The following GBP6 variants were observed in gnomAD, a reference collection of about 807,000 sequenced individuals.
GBP6 encodes guanylate binding protein family member 6.
A neutral mutation model predicts 61.5 loss-of-function variants in GBP6; 54 were observed. The observed-to-expected ratio is 0.88, with a 90% confidence interval of 0.71 to 1.10. GBP6 has a LOEUF of 1.10. Ranked by LOEUF, GBP6 falls within the 50% of genes least tolerant of loss-of-function variation. The probability of loss-of-function intolerance (pLI) is 0.00; values close to 1 mark genes in which losing one functional copy is unlikely to be tolerated. For missense variants in GBP6, 748 were observed against 752.8 expected, an observed-to-expected ratio of 0.99 and a Z score of 0.07; for synonymous variants, 255 against 273.7, an observed-to-expected ratio of 0.93 and a Z score of 0.67.
At chr1:89,365,027 C>T (rs544607092) in intron 1 of GBP6, among the ~76,000 whole-genome samples, 37 of 147,534 alleles carry the variant, frequency 2.5e-4, no homozygotes, top group Non-Finnish European at 5.1e-4. Context: ...CGCCCGTGTC[C>T]ACATGTTCTC....
rs1420890942 is a variant in GBP6 at position 89,368,675 on chromosome 1, G to A, written c.124G>A (p.Ala42Thr). The A allele has an allele frequency of 1.9e-6, 3 of 1,614,154 alleles. No homozygotes were observed. The highest frequency in any genetic ancestry group is 1.7e-4 in the Middle Eastern group (1 of 6,060). ...GATTTCTCAGCCAGTGGTGGTGGTG[G>A]CCATTGTAGGACTGTACCGTACAGG... ...EKISQPVVVV[A>T]IVGLYRTGKS... Residue 42 changes from alanine to threonine, a missense_variant, in exon 2 of 11, where the codon GCC becomes ACC. Physicochemically the swap from Ala to Thr is moderately conservative, Grantham distance 58. Transcript: ENST00000370456.
intron 9 of GBP6, 97 bp from the exon 10 acceptor site, chr1:89,383,996 A>G: frequency 8.0e-7 from 1 of 1,247,140 alleles, no homozygotes; most frequent in Non-Finnish European, 1.1e-6. Context: ...GTGATTTCTC[A>G]CCCTGCCTTT....
At position 89,387,624 on chromosome 1, in the gene GBP6, G is replaced by T. The variant is rs918962935; in HGVS notation, c.*2155G>T. 6.6e-6 allele frequency among the ~76,000 whole-genome samples: 1 copy of T among 152,104 alleles called. No homozygotes were observed. Among genetic ancestry groups the T allele is most frequent in the East Asian group, 1.9e-4 (1 of 5,184 alleles). ...TTTGAATTTTCGACACCAGATTAAG[G>T]TCTCTGAGGTGGTTTAAAGGCTATG... On this transcript the variant is annotated 3_prime_UTR_variant, in exon 11 of 11. Coordinates refer to ENST00000370456, the MANE Select transcript of GBP6 (RefSeq NM_198460.3).
At chr1:89,377,203 C>A (rs188527833) in intron 3 of GBP6, among the ~76,000 whole-genome samples, 2 of 152,266 alleles carry the variant, frequency 1.3e-5, no homozygotes, top group East Asian at 3.9e-4. Context: ...TTTAGCCTGA[C>A]CTTTAGTGTC....
intron 4 of GBP6, 50 bp from the exon 5 acceptor site, chr1:89,378,367 A>C: frequency 6.4e-7 from 1 of 1,567,344 alleles, no homozygotes; most frequent in Non-Finnish European, 8.7e-7. Context: ...TTTATAAAAG[A>C]AATGTGTGAA....
intron 3 of GBP6, among the ~76,000 whole-genome samples, chr1:89,372,680 C>G (rs1209801232): frequency 1.3e-5 from 2 of 152,220 alleles, no homozygotes; most frequent in African/African-American, 4.8e-5. Context: ...GGATTAAAGA[C>G]TTAAATGTTA....
chr1:89,382,524 G>T (rs1653008084), intron 7 of GBP6, 140 bp from the exon 8 acceptor site: 2 of 676,270 alleles, frequency 3.0e-6, no homozygotes, highest in Non-Finnish European at 5.2e-6. Context: ...ATGAAGTTTT[G>T]TGTTTCTGAT....
In GBP6 at chr1:89,385,897, G is replaced by A. The variant is rs114705730; in HGVS notation, c.*428G>A. ...GAGGATATCAGTGCCTGGCCCACAT[G>A]AGAGAACAGATCCATACACACTTTG... On this transcript the variant is annotated 3_prime_UTR_variant, in exon 11 of 11. Transcript: ENST00000370456. 4.9e-3 allele frequency: 769 copies of A among 157,016 alleles called. 2 individuals are homozygous for A. The highest frequency in any genetic ancestry group is 0.018 in the African/African-American group (730 of 41,584). 9.7% of individuals were successfully genotyped at this position (157,016 alleles called of 1,614,324 possible).
Position 89,368,941 on chromosome 1 carries a change from T to C in GBP6, c.190+200T>C, listed in dbSNP as rs151214912. Among the ~76,000 whole-genome samples the C allele has an allele frequency of 1.5e-3, 227 of 152,340 alleles. 2 individuals carry two copies. The highest frequency in any genetic ancestry group is 5.3e-3 in the African/African-American group (219 of 41,582). ...TTTCCCTCATTCCCATTAAGGAAAC[T>C]CTACATTACTAGTGCCCAGAATCCT... On this transcript the variant is annotated intron_variant, in intron 2 of 10. Transcript: ENST00000370456.
At chr1:89,382,950 T>A (rs1404546515) in intron 8 of GBP6, 74 bp downstream of exon 8, 1 of 928,682 alleles carries the variant, frequency 1.1e-6, no homozygotes, top group Non-Finnish European at 1.7e-6. Flanking sequence ...CCGTGGGTAA[T>A]AAGAGAGCAG....
At chr1:89,383,905 T>C in intron 9 of GBP6, 151 bp downstream of exon 9, 1 of 827,262 alleles carries the variant, frequency 1.2e-6, no homozygotes, top group South Asian at 1.8e-5. Flanking sequence ...GGAGCTATGA[T>C]TGTACATCAG....
intron 5 of GBP6, among the ~76,000 whole-genome samples, 177 bp downstream of exon 5, chr1:89,378,790 A>G (rs756126327): frequency 2.0e-5 from 3 of 152,242 alleles, no homozygotes; most frequent in Non-Finnish European, 4.4e-5. Flanking sequence ...TAAGAAAAGT[A>G]GAGTCTAAAG....
At chr1:89,366,148 A>C (rs72967241) in intron 1 of GBP6, among the ~76,000 whole-genome samples, 4,032 of 152,316 alleles carry the variant, frequency 0.026, 196 homozygotes, top group African/African-American at 0.093. Flanking sequence ...TCTCTCAAAA[A>C]GAAATCTCTC....
chr1:89,379,338 T>G (rs1214563693), intron 5 of GBP6, among the ~76,000 whole-genome samples: 2 of 33,542 alleles, frequency 6.0e-5, no homozygotes, highest in African/African-American at 3.5e-4. Flanking sequence ...TAGGCCCACC[T>G]CCAACATTGG....
chr1:89,381,654 T>C (rs753868004), intron 6 of GBP6, 40 bp from the exon 7 acceptor site: 9 of 1,562,060 alleles, frequency 5.8e-6, no homozygotes, highest in Non-Finnish European at 6.9e-6. Context: ...CACTGAGCTT[T>C]AATTTCATAT....
At position 89,380,538 on chromosome 1, in the gene GBP6, A is replaced by C. The variant is rs976021477; in HGVS notation, c.778A>C (p.Lys260Gln). 8.1e-6 allele frequency: 13 copies of C among 1,614,152 alleles called. No individual in the cohort carries two copies. Among genetic ancestry groups the C allele is most frequent in the Admixed American group, 3.3e-5 (2 of 60,022 alleles). Reference protein sequence around the residue: ...EKVSEKQLDPKFQEQTNIFCS... With the variant: ...EKVSEKQLDPQFQEQTNIFCS... Reference sequence around the variant, plus strand: ...GGTGTCAGAAAAGCAACTGGATCCCAAATTCCAGGAACAAACAAACATTTT... The same window carrying C: ...GGTGTCAGAAAAGCAACTGGATCCCCAATTCCAGGAACAAACAAACATTTT... Residue 260 changes from lysine to glutamine, a missense_variant, in exon 6 of 11, where the codon AAA (lysine) becomes CAA (glutamine). Lys to Gln is a moderately conservative substitution (Grantham distance 53). Coordinates refer to ENST00000370456, the MANE Select transcript of GBP6 (RefSeq NM_198460.3).
In GBP6 at chr1:89,381,717, TA is replaced by T; in HGVS notation, c.896del (p.Tyr299LeufsTer2). 1 of 1,612,508 alleles carries T rather than the reference TA, an allele frequency of 6.2e-7. No homozygotes were observed. On this transcript the variant is annotated frameshift_variant, in exon 7 of 11. Coordinates refer to ENST00000370456, the MANE Select transcript of GBP6 (RefSeq NM_198460.3). LOFTEE classifies it high-confidence loss of function. ...GNRLGTLAVT[Y>X]VEAINSGAVP... ...AGGTCTGGGAACTCTGGCAGTGACT[TA>T]TGTAGAGGCCATCAACAGTGGAGCA...
At chr1:89,369,224 G>A (rs951148585) in intron 2 of GBP6, among the ~76,000 whole-genome samples, 17 of 151,878 alleles carry the variant, frequency 1.1e-4, no homozygotes, top group South Asian at 4.2e-4. Flanking sequence ...TTTCCTTCTC[G>A]TGTCTTTCTT....
rs751807626 is a variant in GBP6 at position 89,369,560 on chromosome 1, T to C, written c.205T>C (p.Ser69Pro). ...CTTCCCTGCAGGCTTCCCTCTGGGC[T>C]CCACGGTGCAGTCTGAAACCAAGGG... ...AGQNHGFPLG[S>P]TVQSETKGIW... Residue 69 changes from serine to proline, a missense_variant, in exon 3 of 11, where the codon TCC (serine) becomes CCC (proline). By Grantham distance (74) the Ser-to-Pro change is moderately conservative. Coordinates refer to ENST00000370456, the MANE Select transcript of GBP6 (RefSeq NM_198460.3). 6.2e-7 allele frequency: 1 copy of C among 1,613,882 alleles called. No individual in the cohort carries two copies. Among genetic ancestry groups the C allele is most frequent in the Admixed American group, 1.7e-5 (1 of 59,994 alleles).
Sources: gnomAD v4.1 joint callset for allele counts (sites outside exome capture counted in the v4.1 genomes callset) on GRCh38, gnomAD v4.1.1 for gene constraint, MANE v1.5 for transcripts, NCBI Gene and HGNC (gene_info 2026-07-23, HGNC 2026-07-21) for gene names.